MED12L: variants seen among roughly 807,000 people sequenced by gnomAD.
MED12L encodes mediator of RNA polymerase II transcription subunit 12-like protein.
A neutral mutation model predicts 281.3 loss-of-function variants in MED12L; 60 were observed. The observed-to-expected ratio is 0.21, with a 90% CI of 0.17 to 0.26. MED12L has a LOEUF of 0.26. Among genes scored for constraint, MED12L ranks in the 10% least tolerant of loss-of-function variants. The pLI, the probability that MED12L is intolerant of heterozygous loss-of-function variation, is 1.00. For missense variants in MED12L, 2,146 were observed against 2,680.9 expected (o/e 0.80, Z 4.41); for synonymous variants, 974 against 987.2 (o/e 0.99, Z 0.25).
intron 21 of MED12L, 139 bp downstream of exon 21, chr3:151,360,744 G>T (rs930627226): frequency 2.7e-6 from 2 of 735,950 alleles, no homozygotes; most frequent in Non-Finnish European, 4.5e-6. Context: ...ATATACTCAT[G>T]ATTTGTTTAA....
At chr3:151,364,141 C>T (rs1754990179) in intron 21 of MED12L, among the ~76,000 whole-genome samples, 1 of 152,144 alleles carries the variant, frequency 6.6e-6, no homozygotes, top group Non-Finnish European at 1.5e-5. Flanking sequence ...ATGCTACCTA[C>T]AGAAGGTAAG....
intron 5 of MED12L, among the ~76,000 whole-genome samples, chr3:151,148,160 T>C (rs1279817030): frequency 6.6e-6 from 1 of 152,236 alleles, no homozygotes; most frequent in Non-Finnish European, 1.5e-5. Flanking sequence ...TTATTATTTT[T>C]GGAGAAATGT....
At chr3:151,237,488 TA>T (rs535525175) in intron 16 of MED12L, among the ~76,000 whole-genome samples, 12 of 151,686 alleles carry the variant, frequency 7.9e-5, no homozygotes, top group African/African-American at 2.7e-4. Context: ...TAGCTGGGAC[TA>T]CAGGTGCCCG....
intron 43 of MED12L, among the ~76,000 whole-genome samples, chr3:151,426,000 C>T (rs1718838510): frequency 6.6e-6 from 1 of 151,916 alleles, no homozygotes; most frequent in South Asian, 2.1e-4. Context: ...TGGATATGGG[C>T]CAAAAAATCT....
chr3:151,420,083 C>T (rs1173122621), intron 43 of MED12L, among the ~76,000 whole-genome samples: 1 of 152,114 alleles, frequency 6.6e-6, no homozygotes, highest in Non-Finnish European at 1.5e-5. Context: ...CAAAGCATTC[C>T]TGAGGGGTCT....
intron 38 of MED12L, 138 bp downstream of exon 38, chr3:151,390,273 C>T (rs974227426): frequency 3.8e-6 from 3 of 797,566 alleles, no homozygotes; most frequent in African/African-American, 3.5e-5. Context: ...ATTCCCTTCA[C>T]ACAGAAATGT....
chr3:151,411,916 A>T (rs1716984445), intron 41 of MED12L, among the ~76,000 whole-genome samples: 1 of 152,240 alleles, frequency 6.6e-6, no homozygotes. Flanking sequence ...TGCAATACTA[A>T]TTGTGCATGG....
intron 16 of MED12L, among the ~76,000 whole-genome samples, chr3:151,263,813 C>T (rs1465592577): frequency 6.6e-6 from 1 of 152,184 alleles, no homozygotes; most frequent in Non-Finnish European, 1.5e-5. Flanking sequence ...CCTAACTCAT[C>T]TGTTAAATGG....
At chr3:151,233,508 C>T (rs939466176) in intron 16 of MED12L, among the ~76,000 whole-genome samples, 4 of 152,118 alleles carry the variant, frequency 2.6e-5, no homozygotes, top group Admixed American at 6.5e-5. Context: ...CCGAGGCTGG[C>T]GGGTCACCTG....
intron 16 of MED12L, among the ~76,000 whole-genome samples, chr3:151,226,366 G>T (rs1730494533): frequency 1.3e-5 from 2 of 152,170 alleles, no homozygotes; most frequent in African/African-American, 2.4e-5. Flanking sequence ...TAACATGATG[G>T]AATCTTGCCA....
chr3:151,275,352 G>A (rs1250542195), intron 16 of MED12L, among the ~76,000 whole-genome samples: 6 of 152,008 alleles, frequency 3.9e-5, no homozygotes, highest in South Asian at 2.1e-4. Context: ...GCCAGCACCC[G>A]TCCCTGGCTG....
At position 151,267,971 on chromosome 3, in the gene MED12L, C is replaced by T. The variant is rs979660751; in HGVS notation, c.2250+74305C>T. 7.9e-5 allele frequency among the ~76,000 whole-genome samples: 12 copies of T among 152,202 alleles called. No homozygotes were observed. In the South Asian group the frequency reaches 1.4e-3, roughly 18 times the overall value. On this transcript the variant is annotated intron_variant, in intron 16 of 44. Transcript: ENST00000687756. ...CTATTATCCTAATTTATGAATTTCT[C>T]CAAATGCCAGTAAAATGGACAAGGG...
intron 24 of MED12L, 44 bp from the exon 25 acceptor site, chr3:151,368,106 C>A: frequency 6.8e-7 from 1 of 1,474,182 alleles, no homozygotes; most frequent in Non-Finnish European, 9.5e-7. Flanking sequence ...GGACTTGTTC[C>A]CAAGTGTGTT....
rs559041255 is a variant in MED12L, at chr3:151,412,210, C to T, written c.6140+703C>T. ...CAGGACTAGCTTCAATGGTGTGTGACGTGCACTGTGTTTAGAAGGGCCTGT... is the reference window on the plus strand; with the variant it reads ...CAGGACTAGCTTCAATGGTGTGTGATGTGCACTGTGTTTAGAAGGGCCTGT... On this transcript the variant is annotated intron_variant, in intron 41 of 44. Coordinates refer to ENST00000687756, the MANE Select transcript of MED12L (RefSeq NM_001393769.1). Among the ~76,000 whole-genome samples the T allele has an allele frequency of 2.6e-5, 4 of 152,222 alleles. No homozygotes were observed. In the East Asian group the frequency reaches 7.7e-4, roughly 29 times the overall value.
chr3:151,367,503 C>T (rs1755429977), intron 23 of MED12L, 143 bp from the exon 24 acceptor site: 1 of 640,004 alleles, frequency 1.6e-6, no homozygotes, highest in Admixed American at 3.2e-5. Flanking sequence ...GGATAATCAT[C>T]ATGATATGTT....
intron 11 of MED12L, among the ~76,000 whole-genome samples, chr3:151,177,453 C>T (rs1452380047): frequency 1.3e-5 from 2 of 152,150 alleles, no homozygotes; most frequent in African/African-American, 4.8e-5. Flanking sequence ...AATAGCAATA[C>T]CTGCTTTCAA....
At chr3:151,204,612 AG>A (rs1726103967) in intron 16 of MED12L, among the ~76,000 whole-genome samples, 1 of 152,234 alleles carries the variant, frequency 6.6e-6, no homozygotes, top group Non-Finnish European at 1.5e-5. Flanking sequence ...GACTCACTGA[AG>A]AACATACTTG....
intron 43 of MED12L, chr3:151,425,399 T>A (rs1046958015): frequency 4.7e-5 from 11 of 232,160 alleles, no homozygotes; most frequent in African/African-American, 8.9e-5. Flanking sequence ...TATCAGAATT[T>A]TAATTTTAAT....
intron 2 of MED12L, among the ~76,000 whole-genome samples, chr3:151,089,123 T>A (rs868383537): frequency 3.2e-4 from 48 of 152,344 alleles, no homozygotes; most frequent in African/African-American, 1.1e-3. Flanking sequence ...ACTAATTTTT[T>A]AAGAAACTTT....
Sources: gnomAD v4.1 joint callset for allele counts (sites outside exome capture counted in the v4.1 genomes callset) on GRCh38, gnomAD v4.1.1 for gene constraint, MANE v1.5 for transcripts, NCBI Gene and HGNC (gene_info 2026-07-23, HGNC 2026-07-21) for gene names.